The following CSMD1 variants were observed in gnomAD, a reference collection of about 807,000 sequenced individuals.
CSMD1 encodes CUB and Sushi multiple domains 1, also known as CUB and sushi domain-containing protein 1.
In CSMD1, 213 loss-of-function variants were observed where a neutral mutation model predicts 417.5. The ratio of observed to expected loss-of-function variants is 0.51; its 90% CI spans 0.46 to 0.57. The LOEUF is 0.57. CSMD1 is among the 20% of genes least tolerant of loss of function. CSMD1 has a pLI of 0.00. For synonymous variants in CSMD1, 2,862 were observed against 1,736.8 expected (o/e 1.65, Z -16.11); for missense variants, 6,923 against 4,529.7 (o/e 1.53, Z -15.17).
At chr8:3,777,121 T>TACACAC (rs3028584) in intron 5 of CSMD1, among the ~76,000 whole-genome samples, 31 of 146,514 alleles carry the variant, frequency 2.1e-4, no homozygotes, top group African/African-American at 5.1e-4. Flanking sequence ...TATCTATACC[T>TACACAC]ACACACACAC....
chr8:4,130,964 A>G (rs908280780), intron 3 of CSMD1, among the ~76,000 whole-genome samples: 1 of 152,140 alleles, frequency 6.6e-6, no homozygotes, highest in African/African-American at 2.4e-5. Context: ...AAAATAGAAA[A>G]CATTATACTT....
At chr8:4,942,574 G>T (rs763134123) in intron 1 of CSMD1, among the ~76,000 whole-genome samples, 5 of 152,096 alleles carry the variant, frequency 3.3e-5, no homozygotes, top group African/African-American at 1.2e-4. Flanking sequence ...TTAAAAGTGT[G>T]ACTTCACTCT....
At chr8:4,526,528 A>G (rs1355450647) in intron 2 of CSMD1, among the ~76,000 whole-genome samples, 1 of 152,248 alleles carries the variant, frequency 6.6e-6, no homozygotes, top group Non-Finnish European at 1.5e-5. Context: ...GTGGAAACCA[A>G]CTGAATTATA....
At chr8:3,352,276 C>T (rs1038070904) in intron 21 of CSMD1, among the ~76,000 whole-genome samples, 15 of 152,106 alleles carry the variant, frequency 9.9e-5, no homozygotes, top group African/African-American at 1.7e-4. Context: ...GATGGGATTG[C>T]AAACACAGCC....
chr8:4,811,292 C>G lies in CSMD1; in HGVS notation c.86-173734G>C, dbSNP rs1484303674. Among the ~76,000 whole-genome samples the G allele has an allele frequency of 2.0e-5, 3 of 152,138 alleles. No homozygotes were observed. The South Asian group carries it at 6.2e-4, about 32-fold the overall frequency. ...CCTGCTTAAATTAGGAATGTCAAAC[C>G]TAGTATTAATTGGGAATATTGACTC... is the stretch of plus-strand genomic sequence containing the variant. On this transcript the variant is annotated intron_variant, in intron 1 of 69. Transcript: ENST00000635120.
At chr8:4,521,115 G>C (rs1258470052) in intron 2 of CSMD1, among the ~76,000 whole-genome samples, 1 of 152,038 alleles carries the variant, frequency 6.6e-6, no homozygotes, top group African/African-American at 2.4e-5. Context: ...CCCTACAACT[G>C]TTTCTTCAAA....
intron 55 of CSMD1, among the ~76,000 whole-genome samples, chr8:2,975,533 C>A (rs988996799): frequency 3.9e-5 from 6 of 152,140 alleles, no homozygotes; most frequent in Non-Finnish European, 8.8e-5. Flanking sequence ...ATGGCCATCC[C>A]CTGAGTCATA....
intron 10 of CSMD1, among the ~76,000 whole-genome samples, chr8:3,496,859 T>C (rs1796385614): frequency 6.6e-6 from 1 of 152,212 alleles, no homozygotes; most frequent in Admixed American, 6.5e-5. Flanking sequence ...AATTTTGTTC[T>C]TAATTTCTTT....
intron 2 of CSMD1, among the ~76,000 whole-genome samples, chr8:4,589,328 G>A (rs971917814): frequency 6.6e-6 from 1 of 152,116 alleles, no homozygotes; most frequent in Non-Finnish European, 1.5e-5. Context: ...CTTTAGCCAT[G>A]TTTTTTCTGC....
At chr8:3,636,969 A>C (rs1227437719) in intron 7 of CSMD1, among the ~76,000 whole-genome samples, 10 of 152,036 alleles carry the variant, frequency 6.6e-5, no homozygotes, top group Non-Finnish European at 1.5e-4. Context: ...TATAAATGCG[A>C]ATTTGTCTCT....
At chr8:3,221,590 T>A (rs1259849044) in intron 28 of CSMD1, among the ~76,000 whole-genome samples, 2 of 152,138 alleles carry the variant, frequency 1.3e-5, no homozygotes, top group Non-Finnish European at 2.9e-5. Flanking sequence ...TCTCTTTTTT[T>A]TTTGCCTGTA....
intron 3 of CSMD1, among the ~76,000 whole-genome samples, chr8:4,139,515 T>G (rs75031315): frequency 6.8e-6 from 1 of 147,050 alleles, no homozygotes; most frequent in Non-Finnish European, 1.5e-5. Flanking sequence ...TTCAGTGTTG[T>G]GGATCTCAGG....
chr8:3,387,442 G>A (rs934108532), intron 18 of CSMD1, 52 bp downstream of exon 18: 2 of 1,470,926 alleles, frequency 1.4e-6, no homozygotes, highest in African/African-American at 2.8e-5. Context: ...TTAGACGTGT[G>A]CGCTGTCTCT....
At chr8:4,585,374 CA>C (rs1376211193) in intron 2 of CSMD1, among the ~76,000 whole-genome samples, 3 of 151,906 alleles carry the variant, frequency 2.0e-5, no homozygotes, top group African/African-American at 7.3e-5. Context: ...GGTTAATACA[CA>C]ATTTTTGAAA....
Position 4,203,566 on chromosome 8 carries a change from G to T in CSMD1, c.416-171467C>A, listed in dbSNP as rs77846691. Among the ~76,000 whole-genome samples the T allele has an allele frequency of 8.9e-3, 1,352 of 152,250 alleles. 20 individuals are homozygous for T. The highest frequency in any genetic ancestry group is 0.027 in the African/African-American group (1,104 of 41,546). ...TAAACAGCTGGGTGTGAATTTGGAA[G>T]TCAGTGTAGCTGGGAGACTTAGAAT... On this transcript the variant is annotated intron_variant, in intron 3 of 69. Transcript: ENST00000635120.
chr8:4,376,653 G>T (rs192871622), intron 3 of CSMD1, among the ~76,000 whole-genome samples: 1 of 152,226 alleles, frequency 6.6e-6, no homozygotes, highest in Admixed American at 6.5e-5. Context: ...GCATTCTATA[G>T]CCGTGCTCAT....
intron 40 of CSMD1, among the ~76,000 whole-genome samples, chr8:3,151,051 A>T (rs896945660): frequency 1.3e-5 from 2 of 152,178 alleles, no homozygotes; most frequent in Admixed American, 6.5e-5. Context: ...TCCAGAAGAA[A>T]CAATAACCAT....
chr8:4,742,001 T>C (rs1810642589), intron 1 of CSMD1, among the ~76,000 whole-genome samples: 1 of 5,026 alleles, frequency 2.0e-4, no homozygotes, highest in African/African-American at 8.7e-4. Flanking sequence ...CCACACCCAC[T>C]TTTTTTTTTT....
At chr8:3,249,203 G>A (rs962356217) in intron 26 of CSMD1, among the ~76,000 whole-genome samples, 1 of 152,122 alleles carries the variant, frequency 6.6e-6, no homozygotes, top group South Asian at 2.1e-4. Context: ...AAGATGCACT[G>A]TGAGTTCTTT....
Sources: gnomAD v4.1 joint callset for allele counts (sites outside exome capture counted in the v4.1 genomes callset) on GRCh38, gnomAD v4.1.1 for gene constraint, MANE v1.5 for transcripts, NCBI Gene and HGNC (gene_info 2026-07-23, HGNC 2026-07-21) for gene names.